INPP5A: variants seen among roughly 807,000 people sequenced by gnomAD.
INPP5A encodes the protein 43 kDa inositol polyphosphate 5-phophatase.
In INPP5A, 14 loss-of-function variants were observed where a neutral mutation model predicts 65.2. That is an observed-to-expected ratio of 0.21 (90% CI 0.14 to 0.34). INPP5A has a LOEUF of 0.34. Among genes scored for constraint, INPP5A ranks in the 10% least tolerant of loss-of-function variants. The probability of loss-of-function intolerance (pLI) is 1.00; values close to 1 mark genes in which losing one functional copy is unlikely to be tolerated. For synonymous variants in INPP5A, 207 were observed against 208.3 expected (o/e 0.99, Z 0.05); for missense variants, 431 against 545.6 (o/e 0.79, Z 2.09).
At chr10:132,599,532 G>A (rs1191506201) in intron 1 of INPP5A, among the ~76,000 whole-genome samples, 3 of 152,194 alleles carry the variant, frequency 2.0e-5, no homozygotes, top group South Asian at 2.1e-4. Context: ...GAGTGTCTGC[G>A]GCTTTTCCAG....
chr10:132,655,000 C>T (rs1218603380), intron 4 of INPP5A, among the ~76,000 whole-genome samples: 1 of 152,242 alleles, frequency 6.6e-6, no homozygotes, highest in Non-Finnish European at 1.5e-5. Context: ...CGGTGGCTCA[C>T]GCCGGTAATC....
At chr10:132,539,586 C>T (rs2070883146) in intron 1 of INPP5A, among the ~76,000 whole-genome samples, 1 of 152,154 alleles carries the variant, frequency 6.6e-6, no homozygotes, top group Admixed American at 6.5e-5. Context: ...GTTTCAGCCA[C>T]GGTGCCACCC....
In INPP5A at chr10:132,749,629, A is replaced by G; in HGVS notation, c.828+17A>G. 1 of 1,611,506 alleles carries G rather than the reference A, an allele frequency of 6.2e-7. No individual in the cohort carries two copies. The highest frequency in any genetic ancestry group is 8.5e-7 in the Non-Finnish European group (1 of 1,178,784). ...GACCGGAAGGTGAGCGGGGCCTGTGACTGGGCAGGTGACGCACGGGGCCTG... is the reference window on the plus strand; with the variant it reads ...GACCGGAAGGTGAGCGGGGCCTGTGGCTGGGCAGGTGACGCACGGGGCCTG... On this transcript the variant is annotated intron_variant, in intron 10 of 15. Transcript: ENST00000368594.
At chr10:132,624,794 C>T (rs1033344235) in intron 2 of INPP5A, among the ~76,000 whole-genome samples, 7 of 152,254 alleles carry the variant, frequency 4.6e-5, no homozygotes, top group African/African-American at 7.2e-5. Flanking sequence ...GGGGCTTCTC[C>T]GTCCTCTGCT....
intron 2 of INPP5A, among the ~76,000 whole-genome samples, chr10:132,609,854 A>T (rs964047827): frequency 6.6e-6 from 1 of 152,218 alleles, no homozygotes; most frequent in Admixed American, 6.5e-5. Context: ...CACGTTGACC[A>T]GGCTGGTCTT....
chr10:132,653,664 A>G (rs1197729188), intron 4 of INPP5A, among the ~76,000 whole-genome samples: 1 of 152,244 alleles, frequency 6.6e-6, no homozygotes, highest in Admixed American at 6.5e-5. Flanking sequence ...AGATATATGG[A>G]AAAGTCTCAA....
intron 4 of INPP5A, among the ~76,000 whole-genome samples, chr10:132,683,099 G>A (rs1278425981): frequency 1.3e-5 from 2 of 151,410 alleles, no homozygotes; most frequent in Non-Finnish European, 2.9e-5. Flanking sequence ...GCACACGTGT[G>A]TGTTATCCTA....
chr10:132,718,289 C>T (rs1212190342), intron 8 of INPP5A, among the ~76,000 whole-genome samples: 11 of 148,252 alleles, frequency 7.4e-5, no homozygotes, highest in South Asian at 6.6e-4. Context: ...TTTCTGGGGG[C>T]GCCTTAGACA....
chr10:132,710,534 T>C, intron 8 of INPP5A, 78 bp downstream of exon 8: 1 of 1,548,740 alleles, frequency 6.5e-7, no homozygotes, highest in Non-Finnish European at 8.7e-7. Context: ...GAGAGGTAGG[T>C]GTGGGCGGAC....
At chr10:132,564,110 C>G (rs1172869651) in intron 1 of INPP5A, among the ~76,000 whole-genome samples, 4 of 152,178 alleles carry the variant, frequency 2.6e-5, no homozygotes, top group Non-Finnish European at 5.9e-5. Flanking sequence ...CCTGCTGCTG[C>G]TCCCCTGGGC....
rs889440483 is a variant in INPP5A at position 132,675,630 on chromosome 10, C to T, written c.307-14762C>T. Among the ~76,000 whole-genome samples, 8 of 152,160 alleles carry T rather than the reference C, an allele frequency of 5.3e-5. No individual in the cohort carries two copies. The highest frequency in any genetic ancestry group is 7.3e-5 in the Non-Finnish European group (5 of 68,028). ...ACATTCCCACGGGGATATTCCCACG[C>T]GGAGAACTGGGACCCCGATCAGGGT... On this transcript the variant is annotated intron_variant, in intron 4 of 15. Transcript: ENST00000368594. This position sits in a 1 kb window ranked among gnomAD's most constrained non-coding sequence, Gnocchi z 4.2.
At chr10:132,751,717 T>C (rs1290723585) in intron 11 of INPP5A, among the ~76,000 whole-genome samples, 20 of 126,848 alleles carry the variant, frequency 1.6e-4, no homozygotes, top group East Asian at 5.2e-4. Flanking sequence ...GCCCAGGAGG[T>C]GTCTGGGTGC....
At chr10:132,540,791 C>G (rs939474495) in intron 1 of INPP5A, among the ~76,000 whole-genome samples, 4 of 152,256 alleles carry the variant, frequency 2.6e-5, no homozygotes, top group African/African-American at 9.6e-5. Context: ...CTTTCTCGCC[C>G]AGTCTCACCG....
intron 12 of INPP5A, among the ~76,000 whole-genome samples, chr10:132,768,558 G>A (rs564140459): frequency 1.3e-5 from 2 of 152,200 alleles, no homozygotes; most frequent in African/African-American, 2.4e-5. Flanking sequence ...TCCACCTGCC[G>A]CCTCACACTC....
At chr10:132,729,487 G>T (rs995538174) in intron 9 of INPP5A, among the ~76,000 whole-genome samples, 7 of 152,234 alleles carry the variant, frequency 4.6e-5, no homozygotes, top group African/African-American at 1.2e-4. Context: ...GGGAGGGTGG[G>T]TGCAGAGCAG....
intron 4 of INPP5A, among the ~76,000 whole-genome samples, chr10:132,655,362 A>G (rs2072641879): frequency 6.6e-6 from 1 of 152,046 alleles, no homozygotes; most frequent in Admixed American, 6.5e-5. Flanking sequence ...TTTCTTAGCC[A>G]CCGCGGTGCA....
intron 9 of INPP5A, among the ~76,000 whole-genome samples, chr10:132,745,931 T>C (rs1030091052): frequency 1.3e-5 from 2 of 151,964 alleles, no homozygotes. Context: ...GGCGGGTGCG[T>C]GAGAGCTCCC....
At chr10:132,780,939 G>T in intron 14 of INPP5A, 22 bp downstream of exon 14, 1 of 1,599,560 alleles carries the variant, frequency 6.3e-7, no homozygotes, top group South Asian at 1.1e-5. Context: ...TGAGGTCCAG[G>T]GGCCAGGCTG....
chr10:132,541,805 C>T (rs1225758639), intron 1 of INPP5A, among the ~76,000 whole-genome samples: 2 of 152,208 alleles, frequency 1.3e-5, no homozygotes, highest in Non-Finnish European at 1.5e-5. Flanking sequence ...TCCTCCCTCC[C>T]CATACTGTCA....
Sources: allele counts gnomAD v4.1 joint callset (sites outside exome capture counted in the v4.1 genomes callset), GRCh38; gene constraint gnomAD v4.1.1; non-coding constraint Gnocchi (gnomAD v3.1); transcripts MANE v1.5; gene names NCBI Gene and HGNC (gene_info 2026-07-23, HGNC 2026-07-21).